DACH2: variants seen among roughly 807,000 people sequenced by gnomAD.
DACH2 encodes dachshund family transcription factor 2, also known as dachshund homolog 2.
DACH2 carries 17 observed loss-of-function variants against 35.8 expected under a neutral mutation model. That is an observed-to-expected ratio of 0.48 (90% CI 0.33 to 0.71). DACH2 has a LOEUF of 0.71. Ranked by LOEUF, DACH2 falls within the 30% of genes least tolerant of loss-of-function variation. The pLI is 0.02. For missense variants in DACH2, 469 were observed against 472.7 expected (o/e 0.99, Z 0.07); for synonymous variants, 195 against 177.3 (o/e 1.10, Z -0.79).
At chrX:86,708,409 A>G (rs752333163) in intron 5 of DACH2, among the ~76,000 whole-genome samples, 1 of 111,723 alleles carries the variant, frequency 9.0e-6, no homozygotes, top group East Asian at 2.8e-4. Flanking sequence ...AAAAATTCTC[A>G]TAGAACTAAT....
At chrX:86,494,447 AG>A (rs2038138243) in intron 2 of DACH2, among the ~76,000 whole-genome samples, 1 of 112,267 alleles carries the variant, frequency 8.9e-6, no homozygotes, top group African/African-American at 3.2e-5. Flanking sequence ...GCTTGCTCAA[AG>A]AAATTGAAAT....
chrX:86,800,454 G>T (rs1426700661), intron 7 of DACH2, among the ~76,000 whole-genome samples: 11 of 111,245 alleles, frequency 9.9e-5, no homozygotes, highest in Non-Finnish European at 2.1e-4. Flanking sequence ...TGCCTCTTTG[G>T]ATATATATTA....
intron 2 of DACH2, among the ~76,000 whole-genome samples, chrX:86,491,652 C>T (rs1284315282): frequency 9.0e-6 from 1 of 111,501 alleles, no homozygotes; most frequent in African/African-American, 3.3e-5. Context: ...ATGAAAACAA[C>T]AAAAACATTT....
At chrX:86,471,263 C>T (rs1366135441) in intron 2 of DACH2, among the ~76,000 whole-genome samples, 2 of 111,474 alleles carry the variant, frequency 1.8e-5, no homozygotes, top group Non-Finnish European at 3.8e-5. Flanking sequence ...GTTTGAGAGA[C>T]CTTCTCCTTT....
chrX:86,370,687 T>G (rs1274042881), intron 1 of DACH2, among the ~76,000 whole-genome samples: 2 of 111,519 alleles, frequency 1.8e-5, no homozygotes, highest in African/African-American at 6.5e-5. Flanking sequence ...GATCTAAAAT[T>G]TATGAAGGTT....
intron 2 of DACH2, among the ~76,000 whole-genome samples, chrX:86,406,774 A>G (rs924685508): frequency 8.9e-6 from 1 of 112,297 alleles, no homozygotes; most frequent in African/African-American, 3.2e-5. Flanking sequence ...CAGAATATGC[A>G]TGCTTATTTT....
At chrX:86,673,721 G>T (rs1022903952) in intron 4 of DACH2, among the ~76,000 whole-genome samples, 1 of 111,534 alleles carries the variant, frequency 9.0e-6, no homozygotes, top group Non-Finnish European at 1.9e-5. Flanking sequence ...TGGATTTGTG[G>T]CCCTGCCCAA....
chrX:86,490,513 A>G (rs1234962897), intron 2 of DACH2, among the ~76,000 whole-genome samples: 1 of 111,385 alleles, frequency 9.0e-6, no homozygotes, highest in Non-Finnish European at 1.9e-5. Context: ...GTATCTGAAT[A>G]ATAATGCCAA....
chrX:86,617,838 A>G (rs2040024554), intron 3 of DACH2, among the ~76,000 whole-genome samples: 1 of 112,512 alleles, frequency 8.9e-6, no homozygotes, highest in Admixed American at 9.5e-5. Flanking sequence ...AAGCCTTTGC[A>G]TTGAATTCTG....
intron 2 of DACH2, among the ~76,000 whole-genome samples, chrX:86,500,238 G>T (rs759529727): frequency 1.9e-4 from 21 of 111,279 alleles, no homozygotes; most frequent in Non-Finnish European, 3.6e-4. Flanking sequence ...TGTCTTCGCC[G>T]ATTAAAGGCA....
intron 2 of DACH2, among the ~76,000 whole-genome samples, chrX:86,466,942 C>G (rs890246864): frequency 9.0e-6 from 1 of 111,384 alleles, no homozygotes; most frequent in Admixed American, 9.5e-5. Flanking sequence ...GGCAACAAAA[C>G]CGCTTTTTCC....
At chrX:86,826,094 T>C (rs946354264) in intron 11 of DACH2, among the ~76,000 whole-genome samples, 1 of 111,482 alleles carries the variant, frequency 9.0e-6, no homozygotes, top group Non-Finnish European at 1.9e-5. Flanking sequence ...ATTTGGCCTA[T>C]AAGTGATGTG....
At chrX:86,825,376 C>T (rs2042553661) in intron 11 of DACH2, among the ~76,000 whole-genome samples, 1 of 109,596 alleles carries the variant, frequency 9.1e-6, no homozygotes, top group South Asian at 4.0e-4. Flanking sequence ...GAGATCACAA[C>T]ACTGCACTCC....
chrX:86,612,607 A>G (rs1209484567), intron 3 of DACH2, among the ~76,000 whole-genome samples: 2 of 111,981 alleles, frequency 1.8e-5, no homozygotes, highest in Non-Finnish European at 3.8e-5. Flanking sequence ...CTAAACTCCC[A>G]TAATAGCTAT....
intron 3 of DACH2, among the ~76,000 whole-genome samples, chrX:86,607,829 G>A (rs2039879852): frequency 9.8e-6 from 1 of 101,944 alleles, no homozygotes; most frequent in Non-Finnish European, 2.0e-5. Flanking sequence ...TCACCTATAA[G>A]TGAGAATATG....
intron 7 of DACH2, among the ~76,000 whole-genome samples, chrX:86,743,275 A>G (rs1427411231): frequency 8.9e-6 from 1 of 111,762 alleles, no homozygotes; most frequent in Non-Finnish European, 1.9e-5. Context: ...TCACCTCTGC[A>G]TAGTATCCAG....
At chrX:86,437,209 G>T (rs750186101) in intron 2 of DACH2, among the ~76,000 whole-genome samples, 1 of 110,616 alleles carries the variant, frequency 9.0e-6, no homozygotes, top group African/African-American at 3.3e-5. Context: ...ATTATATTTT[G>T]TTACATGCAT....
At chrX:86,662,309 T>C (rs1349288482) in intron 4 of DACH2, among the ~76,000 whole-genome samples, 1 of 111,669 alleles carries the variant, frequency 9.0e-6, no homozygotes. Flanking sequence ...CTATTTTACT[T>C]CAAAAGGTGG....
intron 1 of DACH2, among the ~76,000 whole-genome samples, chrX:86,293,113 T>C (rs1440847788): frequency 1.0e-5 from 1 of 95,914 alleles, no homozygotes; most frequent in African/African-American, 4.0e-5. Flanking sequence ...GGTGCTCCTG[T>C]ATTGGGTGCA....
Sources: gnomAD v4.1 joint callset for allele counts (sites outside exome capture counted in the v4.1 genomes callset) on GRCh38, gnomAD v4.1.1 for gene constraint, MANE v1.5 for transcripts, NCBI Gene and HGNC (gene_info 2026-07-23, HGNC 2026-07-21) for gene names.